The following WASL variants were observed in gnomAD, a reference collection of about 807,000 sequenced individuals.
The protein encoded by WASL is actin nucleation-promoting factor WASL.
A neutral mutation model predicts 55.5 loss-of-function variants in WASL; 20 were observed. The ratio of observed to expected loss-of-function variants is 0.36; its 90% CI spans 0.25 to 0.52. The LOEUF (loss-of-function observed/expected upper bound fraction) is 0.52. WASL is among the 20% of genes least tolerant of loss of function. The probability of loss-of-function intolerance (pLI) is 0.92; values close to 1 mark genes in which losing one functional copy is unlikely to be tolerated. For missense variants in WASL, 504 were observed against 622.5 expected (o/e 0.81, Z 2.03); for synonymous variants, 249 against 217.6 (o/e 1.14, Z -1.27).
At chr7:123,739,870 T>TTA (rs1344013780) in intron 1 of WASL, among the ~76,000 whole-genome samples, 1 of 124,008 alleles carries the variant, frequency 8.1e-6, no homozygotes, top group Non-Finnish European at 1.7e-5. Flanking sequence ...TTTTATACAT[T>TTA]TATATATGTG....
At chr7:123,729,370 C>T (rs1413985718) in intron 1 of WASL, among the ~76,000 whole-genome samples, 1 of 151,980 alleles carries the variant, frequency 6.6e-6, no homozygotes, top group Non-Finnish European at 1.5e-5. Context: ...CTAATGGCTA[C>T]CAAGTACCAT....
At chr7:123,737,121 T>C (rs1804245830) in intron 1 of WASL, among the ~76,000 whole-genome samples, 1 of 152,098 alleles carries the variant, frequency 6.6e-6, no homozygotes, top group Non-Finnish European at 1.5e-5. Context: ...ACACATAAAA[T>C]ACATTAACCC....
At chr7:123,691,517 T>C (rs547023706) in intron 9 of WASL, among the ~76,000 whole-genome samples, 188 of 152,348 alleles carry the variant, frequency 1.2e-3, no homozygotes, top group Middle Eastern at 3.4e-3. Context: ...AATATAGTTT[T>C]ATAGAACACA....
intron 5 of WASL, among the ~76,000 whole-genome samples, chr7:123,701,536 G>A (rs980123379): frequency 1.3e-5 from 2 of 152,228 alleles, no homozygotes; most frequent in African/African-American, 4.8e-5. Flanking sequence ...AATTAGGAGT[G>A]AGGAAGTTAC....
chr7:123,735,636 T>C (rs1201384355), intron 1 of WASL, among the ~76,000 whole-genome samples: 1 of 152,074 alleles, frequency 6.6e-6, no homozygotes, highest in East Asian at 1.9e-4. Flanking sequence ...AACTACAATG[T>C]CTGAAATGAA....
At chr7:123,701,747 C>T (rs1265893019) in intron 5 of WASL, among the ~76,000 whole-genome samples, 10 of 152,084 alleles carry the variant, frequency 6.6e-5, no homozygotes, top group African/African-American at 2.4e-4. Context: ...ATGCTGCCTC[C>T]TAAACAGTGG....
Position 123,681,962 on chromosome 7 carries a change from A to T in WASL, c.*2557T>A, listed in dbSNP as rs950074941. ...ATTTTATTCTATTTGGGTCAAATTA[A>T]TTTTATTATGCTCCATGATGAATTG... On this transcript the variant is annotated 3_prime_UTR_variant, in exon 11 of 11. Transcript: ENST00000223023. 5 of 152,248 alleles carry T rather than the reference A, an allele frequency of 3.3e-5. No individual in the cohort carries two copies. Among genetic ancestry groups the T allele is most frequent in the African/African-American group, 1.2e-4 (5 of 41,540 alleles). The allele number at this position is 152,248 out of a possible 1,614,324, so 9.4% of individuals were successfully genotyped here.
At chr7:123,732,361 AAAG>A (rs1466033585) in intron 1 of WASL, among the ~76,000 whole-genome samples, 1 of 152,050 alleles carries the variant, frequency 6.6e-6, no homozygotes, top group Non-Finnish European at 1.5e-5. Context: ...AAAAATAAAA[AAAG>A]AAGAGGTCTA....
chr7:123,691,575 A>G (rs1225641679), intron 9 of WASL, among the ~76,000 whole-genome samples: 2 of 152,180 alleles, frequency 1.3e-5, no homozygotes, highest in Non-Finnish European at 2.9e-5. Flanking sequence ...CTGCGGTAAA[A>G]CAGCAGAGCT....
intron 1 of WASL, among the ~76,000 whole-genome samples, chr7:123,717,905 C>A (rs1009965746): frequency 6.6e-6 from 1 of 152,054 alleles, no homozygotes; most frequent in African/African-American, 2.4e-5. Context: ...GCCTGCGCTG[C>A]AAAAAACTTT....
chr7:123,724,738 T>G (rs1804013720), intron 1 of WASL, among the ~76,000 whole-genome samples: 1 of 152,234 alleles, frequency 6.6e-6, no homozygotes, highest in Non-Finnish European at 1.5e-5. Context: ...CATTACAAAC[T>G]GCTAATCTGT....
At chr7:123,707,762 A>G (rs1803695194) in intron 2 of WASL, among the ~76,000 whole-genome samples, 1 of 152,090 alleles carries the variant, frequency 6.6e-6, no homozygotes. Flanking sequence ...GTTTCTTTCA[A>G]ACTACGTATG....
intron 1 of WASL, among the ~76,000 whole-genome samples, chr7:123,731,380 C>T (rs1034867229): frequency 1.3e-5 from 2 of 152,132 alleles, no homozygotes; most frequent in African/African-American, 2.4e-5. Context: ...GACTTCAACA[C>T]TCCTCTATCA....
intron 1 of WASL, among the ~76,000 whole-genome samples, chr7:123,710,202 T>C (rs998700380): frequency 2.6e-5 from 4 of 152,050 alleles, no homozygotes; most frequent in Admixed American, 1.3e-4. Flanking sequence ...GCCATAATTA[T>C]GTTTTCTGAT....
intron 10 of WASL, among the ~76,000 whole-genome samples, chr7:123,687,758 T>G (rs911334024): frequency 2.0e-5 from 3 of 151,942 alleles, no homozygotes; most frequent in Middle Eastern, 3.4e-3. Flanking sequence ...GGCAGGGACT[T>G]TTTTTTTGTT....
chr7:123,721,432 C>G (rs895512990), intron 1 of WASL, among the ~76,000 whole-genome samples: 1 of 152,032 alleles, frequency 6.6e-6, no homozygotes, highest in African/African-American at 2.4e-5. Flanking sequence ...GGCTTTGTAA[C>G]AAGTAACAGT....
intron 1 of WASL, among the ~76,000 whole-genome samples, chr7:123,726,369 A>C (rs1804039285): frequency 6.6e-6 from 1 of 152,226 alleles, no homozygotes; most frequent in Admixed American, 6.5e-5. Context: ...ACTTTATATA[A>C]CACAAAAAAT....
chr7:123,747,356 G>A (rs1584878372), intron 1 of WASL, among the ~76,000 whole-genome samples: 1 of 152,094 alleles, frequency 6.6e-6, no homozygotes, highest in Admixed American at 6.5e-5. Context: ...TTCTAATCAG[G>A]AAACTCAATG....
At chr7:123,747,648 A>C (rs1181647212) in intron 1 of WASL, among the ~76,000 whole-genome samples, 1 of 152,196 alleles carries the variant, frequency 6.6e-6, no homozygotes, top group African/African-American at 2.4e-5. Context: ...AGGTGCTAGC[A>C]AAGTGGAGAG....
Sources: gnomAD v4.1 joint callset for allele counts (sites outside exome capture counted in the v4.1 genomes callset) on GRCh38, gnomAD v4.1.1 for gene constraint, MANE v1.5 for transcripts, NCBI Gene and HGNC (gene_info 2026-07-23, HGNC 2026-07-21) for gene names.